Variants in ARHGAP15 observed in about 807,000 individuals in gnomAD.
ARHGAP15 encodes Rho GTPase activating protein 15, also known as rho GTPase-activating protein 15.
In ARHGAP15, 51 loss-of-function variants were observed where a neutral mutation model predicts 63.7. The ratio of observed to expected loss-of-function variants is 0.80; its 90% CI spans 0.64 to 1.01. ARHGAP15 has a LOEUF of 1.01. ARHGAP15 is among the 50% of genes least tolerant of loss of function. The probability of loss-of-function intolerance (pLI) is 0.00; values close to 1 mark genes in which losing one functional copy is unlikely to be tolerated. For missense variants in ARHGAP15, 560 were observed against 564.6 expected (o/e 0.99, Z 0.08); for synonymous variants, 191 against 193.8 (o/e 0.99, Z 0.12).
intron 8 of ARHGAP15, among the ~76,000 whole-genome samples, chr2:143,470,528 A>G (rs1171441166): frequency 6.7e-6 from 1 of 148,914 alleles, no homozygotes; most frequent in Admixed American, 6.7e-5. Flanking sequence ...CTTTTGTTTT[A>G]TATATATATA....
intron 10 of ARHGAP15, among the ~76,000 whole-genome samples, chr2:143,541,275 C>T (rs554258599): frequency 1.1e-4 from 17 of 152,240 alleles, no homozygotes; most frequent in African/African-American, 2.2e-4. Context: ...GTTATCCATT[C>T]GTCTAATTTT....
At chr2:143,276,081 C>T (rs1281211010) in intron 6 of ARHGAP15, among the ~76,000 whole-genome samples, 1 of 152,216 alleles carries the variant, frequency 6.6e-6, no homozygotes, top group Non-Finnish European at 1.5e-5. Flanking sequence ...CCCACCTCTA[C>T]TCTTCTGTAG....
At chr2:143,628,134 C>G (rs185973274) in intron 12 of ARHGAP15, among the ~76,000 whole-genome samples, 1 of 152,196 alleles carries the variant, frequency 6.6e-6, no homozygotes, top group Admixed American at 6.5e-5. Context: ...CCAGCTGTAT[C>G]CATGTTGCTC....
chr2:143,725,806 G>A (rs376996727), intron 13 of ARHGAP15, among the ~76,000 whole-genome samples: 81 of 152,192 alleles, frequency 5.3e-4, no homozygotes, highest in Non-Finnish European at 8.4e-4. Context: ...CATTAATGCC[G>A]GTGGGGGTTC....
At chr2:143,224,516 C>A (rs1055020781) in intron 4 of ARHGAP15, among the ~76,000 whole-genome samples, 1 of 152,062 alleles carries the variant, frequency 6.6e-6, no homozygotes, top group Non-Finnish European at 1.5e-5. Context: ...AGAGGGACTT[C>A]CTAGTGCAAA....
rs773768930 is a variant in ARHGAP15, at chr2:143,556,421, T to C, written c.939T>C (p.Asp313=). Residue 313 remains aspartate (D), a synonymous_variant, in exon 11 of 14, where the codon GAT becomes GAC. Transcript: ENST00000295095. Reference sequence around the variant, plus strand: ...TTTTGTCTTCAGGTCTAGATGTTGATGGAATATATCGAGTTAGTGGCAATC... The same window carrying C: ...TTTTGTCTTCAGGTCTAGATGTTGACGGAATATATCGAGTTAGTGGCAATC... The part of the protein sequence containing the change: ...EAVEKRGLDV[D]GIYRVSGNLA... The C allele has an allele frequency of 5.6e-6, 9 of 1,611,964 alleles. No individual in the cohort carries two copies. The highest frequency in any genetic ancestry group is 1.3e-5 in the African/African-American group (1 of 74,852).
intron 2 of ARHGAP15, among the ~76,000 whole-genome samples, chr2:143,168,608 C>G (rs1365542604): frequency 6.6e-6 from 1 of 152,020 alleles, no homozygotes; most frequent in Non-Finnish European, 1.5e-5. Context: ...TTTAAATACT[C>G]TGTTTATTCT....
intron 1 of ARHGAP15, among the ~76,000 whole-genome samples, chr2:143,138,838 G>C (rs956872037): frequency 6.6e-6 from 1 of 152,008 alleles, no homozygotes; most frequent in African/African-American, 2.4e-5. Flanking sequence ...TTAATATTTT[G>C]GCATTTAATC....
intron 6 of ARHGAP15, among the ~76,000 whole-genome samples, chr2:143,262,417 C>T (rs765059707): frequency 6.6e-6 from 1 of 152,006 alleles, no homozygotes; most frequent in African/African-American, 2.4e-5. Flanking sequence ...TGATATTTAT[C>T]ATCTACCACC....
intron 9 of ARHGAP15, among the ~76,000 whole-genome samples, chr2:143,512,952 C>A (rs10928181): frequency 0.28 from 42,020 of 152,186 alleles, 6,390 homozygotes; most frequent in South Asian, 0.43. Flanking sequence ...CCACCTCAGT[C>A]TCTCAGTATC....
chr2:143,569,654 C>CA (rs1696375412), intron 11 of ARHGAP15, among the ~76,000 whole-genome samples: 2 of 152,166 alleles, frequency 1.3e-5, no homozygotes, highest in African/African-American at 4.8e-5. Flanking sequence ...ATTCTAAGCT[C>CA]AGTGGAATGT....
intron 6 of ARHGAP15, among the ~76,000 whole-genome samples, chr2:143,372,336 G>A (rs974591999): frequency 6.5e-5 from 8 of 123,510 alleles, no homozygotes; most frequent in African/African-American, 2.6e-4. Context: ...AAAATAAAAT[G>A]GAGTAGTCGA....
chr2:143,300,985 T>G (rs1318305067), intron 6 of ARHGAP15, among the ~76,000 whole-genome samples: 21 of 151,932 alleles, frequency 1.4e-4, no homozygotes. Flanking sequence ...TGACTACACT[T>G]TTTTTTCTAT....
intron 8 of ARHGAP15, among the ~76,000 whole-genome samples, chr2:143,463,312 C>T (rs7349383): frequency 0.21 from 31,255 of 151,846 alleles, 3,570 homozygotes; most frequent in Admixed American, 0.29. Flanking sequence ...GAGGCCAAGG[C>T]GGGTGGATCA....
intron 9 of ARHGAP15, among the ~76,000 whole-genome samples, chr2:143,488,027 A>G (rs1692404462): frequency 6.6e-6 from 1 of 152,248 alleles, no homozygotes; most frequent in Non-Finnish European, 1.5e-5. Flanking sequence ...TCCAAACTGA[A>G]ATAACTAGGT....
chr2:143,589,950 T>C (rs1301065733), intron 11 of ARHGAP15, among the ~76,000 whole-genome samples: 2 of 152,222 alleles, frequency 1.3e-5, no homozygotes, highest in East Asian at 3.9e-4. Context: ...GGCAGAAAGG[T>C]GTGGCTTATA....
intron 13 of ARHGAP15, among the ~76,000 whole-genome samples, chr2:143,747,880 T>C (rs1686229294): frequency 6.6e-6 from 1 of 151,978 alleles, no homozygotes; most frequent in African/African-American, 2.4e-5. Context: ...GAAAATATGG[T>C]TCTCAGAACA....
intron 12 of ARHGAP15, among the ~76,000 whole-genome samples, chr2:143,631,483 C>T (rs1699069901): frequency 6.6e-6 from 1 of 152,068 alleles, no homozygotes; most frequent in Non-Finnish European, 1.5e-5. Context: ...CTCAGCAACA[C>T]TTGGTGTGGT....
At chr2:143,201,527 C>A (rs62171698) in intron 2 of ARHGAP15, among the ~76,000 whole-genome samples, 25,587 of 151,752 alleles carry the variant, frequency 0.17, 2,341 homozygotes, top group Middle Eastern at 0.25. Context: ...CATTTGGGGG[C>A]GCTGTAAAAC....
Sources: gnomAD v4.1 joint callset for allele counts (sites outside exome capture counted in the v4.1 genomes callset) on GRCh38, gnomAD v4.1.1 for gene constraint, MANE v1.5 for transcripts, NCBI Gene and HGNC (gene_info 2026-07-23, HGNC 2026-07-21) for gene names.